The following NFIA variants were observed in gnomAD, a reference collection of about 807,000 sequenced individuals.
NFIA encodes the protein nuclear factor I A.
NFIA carries 8 observed loss-of-function variants against 62.8 expected under a neutral mutation model. The ratio of observed to expected loss-of-function variants is 0.13; its 90% CI spans 0.07 to 0.23. The LOEUF (loss-of-function observed/expected upper bound fraction) is 0.23. NFIA is among the 10% of genes least tolerant of loss of function. The pLI, the probability that NFIA is intolerant of heterozygous loss-of-function variation, is 1.00. For missense variants in NFIA, 410 were observed against 642.1 expected, an observed-to-expected ratio of 0.64 and a Z score of 3.91; for synonymous variants, 235 against 238.1, an observed-to-expected ratio of 0.99 and a Z score of 0.12.
At chr1:61,214,132 G>A (rs1296281166) in intron 2 of NFIA, among the ~76,000 whole-genome samples, 1 of 152,140 alleles carries the variant, frequency 6.6e-6, no homozygotes, top group African/African-American at 2.4e-5. Context: ...TTCTGACTAC[G>A]CCTAGGCCTG....
intron 4 of NFIA, among the ~76,000 whole-genome samples, chr1:61,350,563 G>A (rs1662493442): frequency 6.6e-6 from 1 of 152,116 alleles, no homozygotes; most frequent in African/African-American, 2.4e-5. Flanking sequence ...TTGAGCGCAG[G>A]AGCTGGAGGC....
chr1:61,172,241 G>C (rs1336041845), intron 2 of NFIA, among the ~76,000 whole-genome samples: 1 of 152,144 alleles, frequency 6.6e-6, no homozygotes. Flanking sequence ...TATTAGCCAC[G>C]ATCCTGGAGG....
At chr1:61,147,522 A>T (rs1454579809) in intron 2 of NFIA, among the ~76,000 whole-genome samples, 2 of 152,244 alleles carry the variant, frequency 1.3e-5, no homozygotes, top group Admixed American at 1.3e-4. Flanking sequence ...ACTTTGAGTT[A>T]CTGTAACGGA....
chr1:61,103,397 G>T (rs766381011), intron 2 of NFIA, among the ~76,000 whole-genome samples: 1 of 152,062 alleles, frequency 6.6e-6, no homozygotes, highest in Non-Finnish European at 1.5e-5. Context: ...TCCCCCCAAG[G>T]TTAGGCTAAG....
At chr1:61,289,062 G>T (rs146010030) in intron 3 of NFIA, among the ~76,000 whole-genome samples, 1 of 152,178 alleles carries the variant, frequency 6.6e-6, no homozygotes, top group Non-Finnish European at 1.5e-5. Flanking sequence ...GAGCCACTGC[G>T]CCTGGAGTAA....
At chr1:61,382,020 G>A (rs542919502) in intron 6 of NFIA, among the ~76,000 whole-genome samples, 1 of 152,178 alleles carries the variant, frequency 6.6e-6, no homozygotes, top group Admixed American at 6.5e-5. Flanking sequence ...TAATTCTCTG[G>A]TCATGGGCAG....
chr1:61,198,073 A>G (rs1652164743), intron 2 of NFIA, among the ~76,000 whole-genome samples: 1 of 152,218 alleles, frequency 6.6e-6, no homozygotes, highest in South Asian at 2.1e-4. Context: ...GTAAACAGGC[A>G]AAGTGGGGCA....
At chr1:61,234,413 A>G (rs1364521522) in intron 2 of NFIA, among the ~76,000 whole-genome samples, 1 of 148,652 alleles carries the variant, frequency 6.7e-6, no homozygotes, top group East Asian at 2.0e-4. Context: ...CCACAGACCC[A>G]GCTTTGTGGT....
At chr1:61,208,915 G>A (rs1653063873) in intron 2 of NFIA, among the ~76,000 whole-genome samples, 1 of 152,172 alleles carries the variant, frequency 6.6e-6, no homozygotes, top group Admixed American at 6.5e-5. Flanking sequence ...AAAGATACTT[G>A]TTTTATGACA....
intron 2 of NFIA, among the ~76,000 whole-genome samples, chr1:61,093,348 T>G (rs1646353494): frequency 6.6e-6 from 1 of 151,626 alleles, no homozygotes; most frequent in Non-Finnish European, 1.5e-5. Flanking sequence ...GTATACACAA[T>G]ATACACAATA....
intron 3 of NFIA, among the ~76,000 whole-genome samples, chr1:61,308,047 T>A (rs770117939): frequency 6.6e-6 from 1 of 152,234 alleles, no homozygotes; most frequent in Non-Finnish European, 1.5e-5. Context: ...TGAATTTACC[T>A]TTATGACAGA....
At chr1:61,188,723 A>G (rs1651388675) in intron 2 of NFIA, among the ~76,000 whole-genome samples, 1 of 152,202 alleles carries the variant, frequency 6.6e-6, no homozygotes, top group South Asian at 2.1e-4. Context: ...GTGTATCTGA[A>G]AATTCCCATC....
chr1:61,364,894 C>T (rs575508580), intron 6 of NFIA, among the ~76,000 whole-genome samples: 1 of 152,186 alleles, frequency 6.6e-6, no homozygotes. Context: ...GGACCTGCAA[C>T]ATGGCATCAC....
chr1:61,332,550 G>A lies in NFIA; in HGVS notation c.664G>A (p.Val222Ile). 1 of 1,613,992 alleles carries A rather than the reference G, an allele frequency of 6.2e-7. No homozygotes were observed. Among genetic ancestry groups the A allele is most frequent in the Non-Finnish European group, 8.5e-7 (1 of 1,179,932 alleles). The change falls in exon 4 of 11, where the codon GTT becomes ATT. Residue 222 changes from valine to isoleucine, a missense_variant. By Grantham distance (29) the Val-to-Ile change is conservative. Coordinates refer to ENST00000403491, the MANE Select transcript of NFIA (RefSeq NM_001134673.4). ...GFQDSFVTSG[V>I]FSVTELVRVS... ...CCAGGACAGTTTTGTCACATCAGGTGTTTTTAGTGTCACTGAGCTAGTAAG... is the reference window on the plus strand; with the variant it reads ...CCAGGACAGTTTTGTCACATCAGGTATTTTTAGTGTCACTGAGCTAGTAAG...
intron 2 of NFIA, among the ~76,000 whole-genome samples, chr1:61,206,479 C>G (rs994720792): frequency 7.9e-5 from 12 of 152,196 alleles, no homozygotes; most frequent in Non-Finnish European, 1.5e-5. Flanking sequence ...GATTGAACTT[C>G]CATGGGCTTT....
intron 6 of NFIA, among the ~76,000 whole-genome samples, chr1:61,376,498 C>T (rs1664155300): frequency 4.6e-5 from 7 of 152,240 alleles, no homozygotes; most frequent in Middle Eastern, 3.4e-3. Flanking sequence ...GTGTTAGAAT[C>T]GCTGATAATT....
chr1:61,174,700 T>C (rs1650204111), intron 2 of NFIA, among the ~76,000 whole-genome samples: 2 of 152,236 alleles, frequency 1.3e-5, no homozygotes, highest in Non-Finnish European at 1.5e-5. Flanking sequence ...CAAATTGTTT[T>C]GGTTCTATGT....
rs562082283 is a variant in NFIA at position 61,307,627 on chromosome 1, A to G, written c.626-24885A>G. On this transcript the variant is annotated intron_variant, in intron 3 of 10. Transcript: ENST00000403491. Reference sequence around the variant, plus strand: ...ATAAAGAATCATTTCCAGTACCCACATATGACTGTGCTTCTGTTTTGTGTT... The same window carrying G: ...ATAAAGAATCATTTCCAGTACCCACGTATGACTGTGCTTCTGTTTTGTGTT... Among the ~76,000 whole-genome samples the G allele has an allele frequency of 5.9e-5, 9 of 152,328 alleles. No homozygotes were observed. The East Asian group carries it at 1.5e-3, about 26-fold the overall frequency.
chr1:61,265,831 A>G (rs1174554494), intron 2 of NFIA, among the ~76,000 whole-genome samples: 1 of 152,248 alleles, frequency 6.6e-6, no homozygotes, highest in Non-Finnish European at 1.5e-5. Flanking sequence ...GTCAGGGGTT[A>G]GCCAAGTCAC....
Sources: allele counts gnomAD v4.1 joint callset (sites outside exome capture counted in the v4.1 genomes callset), GRCh38; gene constraint gnomAD v4.1.1; transcripts MANE v1.5; gene names NCBI Gene and HGNC (gene_info 2026-07-23, HGNC 2026-07-21).